Variants in OPA1 observed in about 807,000 individuals in gnomAD.
OPA1 encodes dynamin-like GTPase OPA1, mitochondrial.
In OPA1, 59 loss-of-function variants were observed where a neutral mutation model predicts 152.9. The ratio of observed to expected loss-of-function variants is 0.39; its 90% CI spans 0.31 to 0.48. OPA1 has a LOEUF of 0.48. Among genes scored for constraint, OPA1 ranks in the 20% least tolerant of loss-of-function variants. The pLI, the probability that OPA1 is intolerant of heterozygous loss-of-function variation, is 0.96. For missense variants in OPA1, 1,008 were observed against 1,216.8 expected (o/e 0.83, Z 2.55); for synonymous variants, 400 against 389.9 (o/e 1.03, Z -0.31).
chr3:193,685,001 TA>T, intron 29 of OPA1, among the ~76,000 whole-genome samples: 1 of 152,194 alleles, frequency 6.6e-6, no homozygotes, highest in East Asian at 1.9e-4. Flanking sequence ...GTTTATTTTT[TA>T]AAAAGCTGAA....
chr3:193,658,370 T>C (rs1714416287), intron 23 of OPA1, among the ~76,000 whole-genome samples: 2 of 152,192 alleles, frequency 1.3e-5, no homozygotes, highest in Non-Finnish European at 2.9e-5. Context: ...TGGAAGCCAA[T>C]TTTCAACTGT....
At chr3:193,691,941 G>GAC in intron 29 of OPA1, 122 bp from the exon 30 acceptor site, 2 of 639,230 alleles carry the variant, frequency 3.1e-6, no homozygotes, top group Non-Finnish European at 5.7e-6. Flanking sequence ...GTGGTATGGT[G>GAC]AGACTCATAT....
At chr3:193,674,920 T>G (rs1718651648) in intron 29 of OPA1, among the ~76,000 whole-genome samples, 1 of 152,196 alleles carries the variant, frequency 6.6e-6, no homozygotes, top group African/African-American at 2.4e-5. Context: ...GCCATGTGTA[T>G]TTTGACAAAG....
chr3:193,645,423 A>G (rs1734417135), intron 16 of OPA1, 130 bp from the exon 17 acceptor site: 2 of 649,326 alleles, frequency 3.1e-6, no homozygotes, highest in African/African-American at 1.8e-5. Flanking sequence ...AAAACATTTT[A>G]AATGCTTTTG....
intron 29 of OPA1, chr3:193,668,396 T>A (rs925571340): frequency 1.3e-6 from 2 of 1,551,098 alleles, no homozygotes; most frequent in African/African-American, 2.7e-5. Context: ...GACACTTCTT[T>A]TACCTTGTCT....
At chr3:193,684,062 T>C (rs1720580923) in intron 29 of OPA1, among the ~76,000 whole-genome samples, 1 of 152,130 alleles carries the variant, frequency 6.6e-6, no homozygotes, top group South Asian at 2.1e-4. Context: ...CAGCAGTTGC[T>C]TAGGAGAAGC....
intron 6 of OPA1, among the ~76,000 whole-genome samples, chr3:193,625,090 C>CA (rs1467619894): frequency 1.3e-5 from 2 of 151,914 alleles, no homozygotes; most frequent in African/African-American, 4.8e-5. Flanking sequence ...GTAACATTGT[C>CA]AAATCTTGGT....
At chr3:193,664,432 T>C (rs919811902) in intron 26 of OPA1, among the ~76,000 whole-genome samples, 1 of 151,758 alleles carries the variant, frequency 6.6e-6, no homozygotes. Flanking sequence ...AGGGATCATA[T>C]TGGTATGGTA....
intron 29 of OPA1, chr3:193,689,058 C>G (rs1447561142): frequency 1.3e-5 from 2 of 151,996 alleles, no homozygotes; most frequent in Non-Finnish European, 2.9e-5. Context: ...CTTTAATGTC[C>G]TCATATTTAG....
intron 29 of OPA1, among the ~76,000 whole-genome samples, chr3:193,670,695 T>A (rs1363171632): frequency 2.0e-5 from 3 of 152,094 alleles, no homozygotes; most frequent in African/African-American, 7.2e-5. Flanking sequence ...AGTACATAAG[T>A]AGTAGTAGTA....
intron 29 of OPA1, chr3:193,668,652 A>G: frequency 6.7e-7 from 1 of 1,493,680 alleles, no homozygotes; most frequent in Non-Finnish European, 9.0e-7. Context: ...TCTCCTCAGT[A>G]CTGGACCAGG....
rs1270994596 is a variant in OPA1 at position 193,695,548 on chromosome 3, CT to C, written c.*949del. The C allele has an allele frequency of 2.0e-5, 3 of 152,142 alleles. No homozygotes were observed. Among genetic ancestry groups the C allele is most frequent in the African/African-American group, 7.2e-5 (3 of 41,428 alleles). The allele number at this position is 152,142 out of a possible 1,614,324, so 9.4% of individuals were successfully genotyped here. On this transcript the variant is annotated 3_prime_UTR_variant, in exon 31 of 31. Coordinates refer to ENST00000361510, the MANE Select transcript of OPA1 (RefSeq NM_130837.3). ...AATTAAAGTAATGTTGACCATCCCC[CT>C]CTCAGCTGAATAAAGAAAAATTTAG...
At chr3:193,608,238 C>T (rs1188610296) in intron 1 of OPA1, among the ~76,000 whole-genome samples, 5 of 152,126 alleles carry the variant, frequency 3.3e-5, no homozygotes, top group African/African-American at 9.7e-5. Context: ...TTCTTGCCTT[C>T]TGCTGGCTTT....
chr3:193,650,221 C>T (rs956190157), intron 21 of OPA1, among the ~76,000 whole-genome samples: 1 of 152,126 alleles, frequency 6.6e-6, no homozygotes, highest in Non-Finnish European at 1.5e-5. Flanking sequence ...GGACAGTGAA[C>T]GCATACCACC....
chr3:193,593,947 G>A (rs1366046925), intron 1 of OPA1, among the ~76,000 whole-genome samples: 1 of 152,094 alleles, frequency 6.6e-6, no homozygotes, highest in East Asian at 1.9e-4. Flanking sequence ...CTAGAGCAAT[G>A]ACGCACACGG....
At chr3:193,668,538 G>C in intron 29 of OPA1, 1 of 1,548,098 alleles carries the variant, frequency 6.5e-7, no homozygotes, top group Non-Finnish European at 8.7e-7. Flanking sequence ...ACCCCAGACA[G>C]ATTCCTTCCT....
Position 193,637,845 on chromosome 3 carries a change from G to C in OPA1, c.1036-107G>C, listed in dbSNP as rs374492049. 59 of 897,456 alleles carry C rather than the reference G, an allele frequency of 6.6e-5. 1 individual carries two copies. Among genetic ancestry groups the C allele is most frequent in the African/African-American group, 2.7e-4 (16 of 60,028 alleles). The allele number at this position is 897,456 out of a possible 1,614,324, so 55.6% of individuals were successfully genotyped here. Reference sequence around the variant, plus strand: ...CGGATTTTAAAATATTTTTTCACCTGTAGAAATTTTAAAAGACTAAAAAAC... The same window carrying C: ...CGGATTTTAAAATATTTTTTCACCTCTAGAAATTTTAAAAGACTAAAAAAC... On this transcript the variant is annotated intron_variant, in intron 10 of 30. Coordinates refer to ENST00000361510, the MANE Select transcript of OPA1 (RefSeq NM_130837.3).
At chr3:193,640,465 C>T (rs949661144) in intron 11 of OPA1, among the ~76,000 whole-genome samples, 2 of 152,192 alleles carry the variant, frequency 1.3e-5, no homozygotes, top group African/African-American at 4.8e-5. Flanking sequence ...TCGTTGAGTT[C>T]ACCAGTGGAG....
chr3:193,633,651 G>A (rs969931289), intron 8 of OPA1, among the ~76,000 whole-genome samples: 4 of 152,064 alleles, frequency 2.6e-5, no homozygotes, highest in African/African-American at 9.7e-5. Context: ...GGGGTAAAAA[G>A]AAACGTGGAA....
Sources: allele counts gnomAD v4.1 joint callset (sites outside exome capture counted in the v4.1 genomes callset), GRCh38; gene constraint gnomAD v4.1.1; transcripts MANE v1.5; gene names NCBI Gene and HGNC (gene_info 2026-07-23, HGNC 2026-07-21).